Variants in RBFOX1 observed in about 807,000 individuals in gnomAD.
The protein encoded by RBFOX1 is RNA binding protein fox-1 homolog 1.
Under a neutral mutation model 57.7 loss-of-function variants are expected in RBFOX1, and 8 were observed. The observed-to-expected ratio is 0.14, with a 90% CI of 0.08 to 0.25. RBFOX1 has a LOEUF of 0.25. Among genes scored for constraint, RBFOX1 ranks in the 10% least tolerant of loss-of-function variants. The pLI, the probability that RBFOX1 is intolerant of heterozygous loss-of-function variation, is 1.00. For synonymous variants in RBFOX1, 326 were observed against 222.4 expected, an observed-to-expected ratio of 1.47 and a Z score of -4.15; for missense variants, 611 against 548.5, an observed-to-expected ratio of 1.11 and a Z score of -1.14.
chr16:7,441,612 C>T (rs1598484100), intron 4 of RBFOX1, among the ~76,000 whole-genome samples: 2 of 152,192 alleles, frequency 1.3e-5, no homozygotes, highest in African/African-American at 4.8e-5. Context: ...TTTTTCCCCC[C>T]TGTTATTAGC....
chr16:5,726,782 G>T (rs1381986899), intron 3 of RBFOX1, among the ~76,000 whole-genome samples: 1 of 152,116 alleles, frequency 6.6e-6, no homozygotes, highest in African/African-American at 2.4e-5. Context: ...ATTATTGTTC[G>T]CTACATGCCA....
At chr16:7,687,002 G>A (rs945070049) in intron 14 of RBFOX1, among the ~76,000 whole-genome samples, 38 of 151,934 alleles carry the variant, frequency 2.5e-4, no homozygotes, top group African/African-American at 5.1e-4. Context: ...GCTTCTTTAC[G>A]AATATCATGT....
chr16:7,028,245 T>G (rs747977699), intron 3 of RBFOX1, among the ~76,000 whole-genome samples: 2 of 152,120 alleles, frequency 1.3e-5, no homozygotes, highest in Non-Finnish European at 2.9e-5. Context: ...TAGACAGGGC[T>G]TGCTCTACGT....
intron 13 of RBFOX1, 113 bp from the exon 14 acceptor site, chr16:7,676,661 C>T: frequency 1.1e-6 from 1 of 914,536 alleles, no homozygotes; most frequent in Non-Finnish European, 1.8e-6. Flanking sequence ...TCATTAACCT[C>T]AACTTTAGCT....
At chr16:5,960,779 T>G (rs1293926560) in intron 4 of RBFOX1, among the ~76,000 whole-genome samples, 2 of 152,168 alleles carry the variant, frequency 1.3e-5, no homozygotes, top group African/African-American at 4.8e-5. Flanking sequence ...AACATCCCTT[T>G]GATTTAATCA....
chr16:5,565,661 TAAATA>T, intron 2 of RBFOX1, among the ~76,000 whole-genome samples: 1 of 151,572 alleles, frequency 6.6e-6, no homozygotes, highest in East Asian at 1.9e-4. Flanking sequence ...AATAAATAAA[TAAATA>T]AATAATTTGC....
At chr16:6,839,868 C>T (rs1316803668) in intron 3 of RBFOX1, among the ~76,000 whole-genome samples, 1 of 152,176 alleles carries the variant, frequency 6.6e-6, no homozygotes, top group East Asian at 1.9e-4. Context: ...TTTGGGGTAT[C>T]TTTTCCCCTC....
At chr16:6,800,565 A>G (rs1387883663) in intron 3 of RBFOX1, among the ~76,000 whole-genome samples, 1 of 152,156 alleles carries the variant, frequency 6.6e-6, no homozygotes, top group Non-Finnish European at 1.5e-5. Context: ...ACAAGCTTCT[A>G]GAGGGCCCGG....
chr16:6,695,525 C>T (rs1436141440), intron 3 of RBFOX1, among the ~76,000 whole-genome samples: 1 of 150,220 alleles, frequency 6.7e-6, no homozygotes, highest in Non-Finnish European at 1.5e-5. Flanking sequence ...TTTAAGATTT[C>T]TTGGAGCCCT....
intron 4 of RBFOX1, among the ~76,000 whole-genome samples, chr16:7,283,246 G>C (rs749919347): frequency 2.6e-5 from 4 of 151,562 alleles, no homozygotes; most frequent in Non-Finnish European, 4.4e-5. Context: ...CTCTCTGTTC[G>C]TTCATCCCCT....
chr16:5,989,251 A>G (rs112695266), intron 4 of RBFOX1, among the ~76,000 whole-genome samples: 2,332 of 152,112 alleles, frequency 0.015, 68 homozygotes, highest in African/African-American at 0.053. Flanking sequence ...GAATGGTGTG[A>G]ACCCGGGAGG....
At chr16:7,324,738 C>T (rs891499953) in intron 4 of RBFOX1, among the ~76,000 whole-genome samples, 5 of 152,060 alleles carry the variant, frequency 3.3e-5, no homozygotes, top group Non-Finnish European at 7.4e-5. Context: ...TCCTCACTTA[C>T]AAAACCTACT....
chr16:5,964,067 T>C (rs1435098169), intron 4 of RBFOX1, among the ~76,000 whole-genome samples: 6 of 152,054 alleles, frequency 3.9e-5, no homozygotes, highest in African/African-American at 1.4e-4. Context: ...AAAAAGCCAA[T>C]AGCCAGATTT....
chr16:6,325,601 T>C (rs2082282826), intron 2 of RBFOX1, among the ~76,000 whole-genome samples: 2 of 152,194 alleles, frequency 1.3e-5, no homozygotes, highest in Non-Finnish European at 2.9e-5. Flanking sequence ...CATTAGTGAA[T>C]CTGGAATCAC....
intron 4 of RBFOX1, among the ~76,000 whole-genome samples, chr16:7,070,451 G>C (rs2057096858): frequency 6.6e-6 from 1 of 152,032 alleles, no homozygotes; most frequent in Non-Finnish European, 1.5e-5. Context: ...AAATATTTTT[G>C]GCAATTTTGT....
intron 4 of RBFOX1, among the ~76,000 whole-genome samples, chr16:5,895,629 C>T (rs1245679577): frequency 1.3e-5 from 2 of 152,204 alleles, no homozygotes; most frequent in African/African-American, 4.8e-5. Context: ...GTTTACATTT[C>T]TGCCACTAAC....
At chr16:7,700,040 C>T (rs971334697) in intron 14 of RBFOX1, among the ~76,000 whole-genome samples, 7 of 152,056 alleles carry the variant, frequency 4.6e-5, no homozygotes, top group Non-Finnish European at 7.4e-5. Context: ...CCTTGGGGTT[C>T]AGGGCCCAGA....
At chr16:7,695,923 A>G (rs986166478) in intron 14 of RBFOX1, among the ~76,000 whole-genome samples, 6 of 152,170 alleles carry the variant, frequency 3.9e-5, no homozygotes, top group African/African-American at 1.2e-4. Context: ...ATTGATGCCC[A>G]TGGTGGATGG....
At chr16:6,890,478 C>T (rs539039695) in intron 3 of RBFOX1, among the ~76,000 whole-genome samples, 63 of 152,216 alleles carry the variant, frequency 4.1e-4, no homozygotes, top group African/African-American at 1.5e-3. Flanking sequence ...GAGATAGCAC[C>T]ATGGCACTCC....
Sources: gnomAD v4.1 joint callset for allele counts (sites outside exome capture counted in the v4.1 genomes callset) on GRCh38, gnomAD v4.1.1 for gene constraint, MANE v1.5 for transcripts, NCBI Gene and HGNC (gene_info 2026-07-23, HGNC 2026-07-21) for gene names.